The following SMG6 variants were observed in gnomAD, a reference collection of about 807,000 sequenced individuals.
SMG6 encodes the protein SMG6 nonsense mediated mRNA decay factor, also known as telomerase-binding protein EST1A.
In SMG6, 66 loss-of-function variants were observed where a neutral mutation model predicts 142.2. The observed-to-expected ratio is 0.46, with a 90% CI of 0.38 to 0.57. SMG6 has a LOEUF of 0.57. Among genes scored for constraint, SMG6 ranks in the 20% least tolerant of loss-of-function variants. The pLI is 0.00. For synonymous variants in SMG6, 779 were observed against 702.4 expected (o/e 1.11, Z -1.72); for missense variants, 1,793 against 1,832.0 (o/e 0.98, Z 0.39).
intron 12 of SMG6, among the ~76,000 whole-genome samples, chr17:2,185,130 T>C (rs192438707): frequency 4.0e-5 from 6 of 151,742 alleles, no homozygotes; most frequent in East Asian, 1.9e-4. Context: ...AATACAGACA[T>C]AGATACGGAC....
At chr17:2,087,473 C>T (rs2068596070) in intron 13 of SMG6, 1 of 1,086,844 alleles carries the variant, frequency 9.2e-7, no homozygotes, top group Non-Finnish European at 1.1e-6. Flanking sequence ...CACCATTGGC[C>T]CTGTTACCAT....
At chr17:2,286,293 G>A (rs181171131) in intron 6 of SMG6, among the ~76,000 whole-genome samples, 2 of 144,776 alleles carry the variant, frequency 1.4e-5, no homozygotes, top group Non-Finnish European at 1.5e-5. Context: ...TAATTACAAG[G>A]GACCTCAAAT....
At chr17:2,076,194 TGA>T (rs1262126936) in intron 15 of SMG6, among the ~76,000 whole-genome samples, 4 of 152,130 alleles carry the variant, frequency 2.6e-5, no homozygotes, top group Admixed American at 2.6e-4. Flanking sequence ...GCCACATCTG[TGA>T]GAGGCGCTGG....
intron 13 of SMG6, among the ~76,000 whole-genome samples, chr17:2,128,458 G>C (rs559873523): frequency 6.6e-6 from 1 of 152,284 alleles, no homozygotes; most frequent in South Asian, 2.1e-4. Context: ...TGGCTCTAGA[G>C]TTAGATTAAA....
chr17:2,303,558 G>A (rs954529147), intron 1 of SMG6, 75 bp downstream of exon 1: 5 of 1,349,760 alleles, frequency 3.7e-6, no homozygotes, highest in Non-Finnish European at 3.8e-6. Context: ...AGGGCCGAGC[G>A]GGGAGGAGGC....
chr17:2,292,512 T>C lies in SMG6; in HGVS notation c.2337+40A>G, dbSNP rs76373212. Reference sequence around the variant, plus strand: ...ATCAAACTCCATATTGTAAGATACTTCCTGCAAAGCACTTTTCCCCTGTCC... The same window carrying C: ...ATCAAACTCCATATTGTAAGATACTCCCTGCAAAGCACTTTTCCCCTGTCC... On this transcript the variant is annotated intron_variant, in intron 6 of 18. Transcript: ENST00000263073. The C allele has an allele frequency of 2.2e-3, 3,493 of 1,589,120 alleles. 87 individuals are homozygous for C. In the African/African-American group the frequency reaches 0.042, roughly 19 times the overall value.
intron 10 of SMG6, among the ~76,000 whole-genome samples, chr17:2,195,584 T>C (rs1317782570): frequency 6.6e-6 from 1 of 152,234 alleles, no homozygotes; most frequent in African/African-American, 2.4e-5. Flanking sequence ...CTGCTCATAA[T>C]AGTAGGCACA....
At chr17:2,148,145 T>C (rs1453775981) in intron 13 of SMG6, among the ~76,000 whole-genome samples, 1 of 151,840 alleles carries the variant, frequency 6.6e-6, no homozygotes, top group Non-Finnish European at 1.5e-5. Flanking sequence ...GAGCTGAGAG[T>C]GTGCCACTGC....
chr17:2,070,766 C>T (rs911349048), intron 15 of SMG6, among the ~76,000 whole-genome samples: 7 of 152,282 alleles, frequency 4.6e-5, no homozygotes, highest in African/African-American at 1.4e-4. Flanking sequence ...CTGATCTCAC[C>T]TCATGAGAGC....
intron 13 of SMG6, among the ~76,000 whole-genome samples, chr17:2,142,681 C>T (rs887495486): frequency 6.6e-6 from 1 of 151,638 alleles, no homozygotes; most frequent in African/African-American, 2.4e-5. Context: ...GCCAGGAGTT[C>T]GAGACCAGCC....
intron 9 of SMG6, among the ~76,000 whole-genome samples, chr17:2,242,356 C>CAAAAAAAAA (rs57062488): frequency 2.7e-5 from 2 of 73,508 alleles, no homozygotes; most frequent in Non-Finnish European, 2.4e-5. Flanking sequence ...ACTGAAGATA[C>CAAAAAAAAA]AAAAAAAAAA....
In SMG6 at chr17:2,258,008, C is replaced by CA. The variant is rs869066817; in HGVS notation, c.2662-13290dup. On this transcript the variant is annotated intron_variant, in intron 8 of 18. Coordinates refer to ENST00000263073, the MANE Select transcript of SMG6 (RefSeq NM_017575.5). Reference sequence around the variant, plus strand: ...TGGGCGACAAAGCGAGACTCTGTCGCAAAAAAAAAAAAAAAAAAAAAAAAA... The same window carrying CA: ...TGGGCGACAAAGCGAGACTCTGTCGCAAAAAAAAAAAAAAAAAAAAAAAAAA... Among the ~76,000 whole-genome samples, 86 of 26,648 alleles carry CA rather than the reference C, an allele frequency of 3.2e-3. 2 individuals carry two copies. The highest frequency in any genetic ancestry group is 6.2e-3 in the East Asian group (5 of 808). The allele number at this position is 26,648 out of a possible 152,430, so 17.5% of individuals were successfully genotyped here.
Position 2,302,105 on chromosome 17 carries a change from T to C in SMG6, c.89-1441A>G, listed in dbSNP as rs181044853. ...CTGTCTCTATAACGTATACAAAAAATAGCCAGGTGTGGTGGTGCAGGTCTG... is the reference window on the plus strand; with the variant it reads ...CTGTCTCTATAACGTATACAAAAAACAGCCAGGTGTGGTGGTGCAGGTCTG... On this transcript the variant is annotated intron_variant, in intron 1 of 18. Coordinates refer to ENST00000263073, the MANE Select transcript of SMG6 (RefSeq NM_017575.5). Among the ~76,000 whole-genome samples, 227 of 151,616 alleles carry C rather than the reference T, an allele frequency of 1.5e-3. 1 individual carries two copies. The highest frequency in any genetic ancestry group is 4.0e-3 in the Admixed American group (61 of 15,218).
intron 10 of SMG6, among the ~76,000 whole-genome samples, chr17:2,223,454 C>T (rs1017006765): frequency 1.1e-4 from 16 of 152,282 alleles, no homozygotes; most frequent in African/African-American, 3.9e-4. Flanking sequence ...AATCTGCCTT[C>T]TGAAAAGGAA....
intron 10 of SMG6, among the ~76,000 whole-genome samples, chr17:2,199,512 G>T (rs1303676657): frequency 6.6e-6 from 1 of 151,430 alleles, no homozygotes; most frequent in East Asian, 1.9e-4. Context: ...CTGCACTCCA[G>T]CCTGGGTGAC....
intron 10 of SMG6, among the ~76,000 whole-genome samples, chr17:2,202,206 G>A (rs573851049): frequency 4.9e-4 from 74 of 152,148 alleles, no homozygotes; most frequent in Middle Eastern, 3.4e-3. Flanking sequence ...AATAAATTGT[G>A]GTATATCCAC....
chr17:2,146,958 T>A (rs1271931909), intron 13 of SMG6, among the ~76,000 whole-genome samples: 1 of 152,204 alleles, frequency 6.6e-6, no homozygotes, highest in Non-Finnish European at 1.5e-5. Context: ...GGTAGGGCAG[T>A]TAGGGGTTTC....
In SMG6 at chr17:2,065,156, T is replaced by C; in HGVS notation, c.4048-2A>G. The C allele has an allele frequency of 6.2e-7, 1 of 1,612,520 alleles. No individual in the cohort carries two copies. Among genetic ancestry groups the C allele is most frequent in the Non-Finnish European group, 8.5e-7 (1 of 1,178,766 alleles). ...CAGGATGAGATCATCGTTGTTACCCTGGAGGAAGACGTGTGTGAGAAGCAC... is the reference window on the plus strand; with the variant it reads ...CAGGATGAGATCATCGTTGTTACCCCGGAGGAAGACGTGTGTGAGAAGCAC... On this transcript the variant is annotated splice_acceptor_variant, in intron 17 of 18. Coordinates refer to ENST00000263073, the MANE Select transcript of SMG6 (RefSeq NM_017575.5). LOFTEE classifies it high-confidence loss of function.
chr17:2,303,690 A>T lies in SMG6; in HGVS notation c.31T>A (p.Ser11Thr). ...AGGATCCCGCGCAGCTCCGACGCGGAGATCCGCACACGCTCCAGCCCTTCC... is the reference window on the plus strand; with the variant it reads ...AGGATCCCGCGCAGCTCCGACGCGGTGATCCGCACACGCTCCAGCCCTTCC... MAEGLERVRI[S>T]ASELRGILAT... The change falls in exon 1 of 19, where the codon TCC (serine) becomes ACC (threonine). Residue 11 changes from serine (S) to threonine (T), a missense_variant. By Grantham distance (58) the Ser-to-Thr change is moderately conservative. This residue lies in a region of SMG6 where 1,597 missense variants were observed against 1,584.6 expected (regional missense o/e 1.01). Coordinates refer to ENST00000263073, the MANE Select transcript of SMG6 (RefSeq NM_017575.5). 1 of 1,496,680 alleles carries T rather than the reference A, an allele frequency of 6.7e-7. No individual in the cohort carries two copies. The highest frequency in any genetic ancestry group is 8.9e-7 in the Non-Finnish European group (1 of 1,129,386). 92.7% of individuals were successfully genotyped at this position (1,496,680 alleles called of 1,614,324 possible).
Sources: allele counts gnomAD v4.1 joint callset (sites outside exome capture counted in the v4.1 genomes callset), GRCh38; gene constraint gnomAD v4.1.1; regional missense constraint gnomAD v4.1.1; transcripts MANE v1.5; gene names NCBI Gene and HGNC (gene_info 2026-07-23, HGNC 2026-07-21).